Variants in KLHL3 observed in about 807,000 individuals in gnomAD.
KLHL3 encodes kelch-like protein 3.
Under a neutral mutation model 70.5 loss-of-function variants are expected in KLHL3, and 19 were observed. That is an observed-to-expected ratio of 0.27 (90% CI 0.19 to 0.40). The LOEUF (loss-of-function observed/expected upper bound fraction) is 0.40. Among genes scored for constraint, KLHL3 ranks in the 10% least tolerant of loss-of-function variants. The pLI, the probability that KLHL3 is intolerant of heterozygous loss-of-function variation, is 1.00. For synonymous variants in KLHL3, 258 were observed against 290.3 expected (o/e 0.89, Z 1.13); for missense variants, 512 against 771.1 (o/e 0.66, Z 3.98).
rs1756283679 is a variant in KLHL3 at position 137,618,368 on chromosome 5, T to C, written c.*3730A>G. 1 of 151,994 alleles carries C rather than the reference T, an allele frequency of 6.6e-6. No homozygotes were observed. The highest frequency in any genetic ancestry group is 1.5e-5 in the Non-Finnish European group (1 of 68,014). The allele number at this position is 151,994 out of a possible 1,614,324, so 9.4% of individuals were successfully genotyped here. On this transcript the variant is annotated 3_prime_UTR_variant, in exon 15 of 15. Coordinates refer to ENST00000309755, the MANE Select transcript of KLHL3 (RefSeq NM_017415.3). ...TAATAATAAATTTTAAAAACCATGA[T>C]GCAAATGGCAGATAAATACACAAAA...
chr5:137,627,227 T>C (rs1377667389), intron 13 of KLHL3, among the ~76,000 whole-genome samples: 12 of 152,196 alleles, frequency 7.9e-5, no homozygotes, highest in African/African-American at 2.2e-4. Flanking sequence ...TCATGAGAGA[T>C]TGTAAAGTGA....
At chr5:137,677,795 C>T in intron 5 of KLHL3, 141 bp from the exon 6 acceptor site, 1 of 501,734 alleles carries the variant, frequency 2.0e-6, no homozygotes, top group Non-Finnish European at 3.5e-6. Flanking sequence ...GAAACAAAGA[C>T]AGAGACATCA....
intron 5 of KLHL3, among the ~76,000 whole-genome samples, chr5:137,691,492 G>T (rs531746686): frequency 1.3e-5 from 2 of 152,286 alleles, no homozygotes; most frequent in South Asian, 4.1e-4. Flanking sequence ...CTTTTAGCTG[G>T]ATCAGAACCT....
chr5:137,672,980 G>A (rs1751798340), intron 6 of KLHL3: 1 of 152,260 alleles, frequency 6.6e-6, no homozygotes, highest in Admixed American at 6.5e-5. Flanking sequence ...CCTCAGGGTA[G>A]TGGAGTGTAT....
chr5:137,639,795 G>T lies in KLHL3; in HGVS notation c.1021+65C>A. The T allele has an allele frequency of 8.2e-7, 1 of 1,222,988 alleles. No homozygotes were observed. Among genetic ancestry groups the T allele is most frequent in the Non-Finnish European group, 1.2e-6 (1 of 826,022 alleles). 75.8% of individuals were successfully genotyped at this position (1,222,988 alleles called of 1,614,324 possible). A position where few individuals can be genotyped will look rare whatever the true frequency, so the allele number is the denominator to read the frequency against. ...CTTGAGGAAACAAGGAGTAGCTCAC[G>T]ACTTCTGGCACGGAGTGGGGACCAG... On this transcript the variant is annotated intron_variant, in intron 9 of 14. Transcript: ENST00000309755. The surrounding 1 kb of genome is among the most constrained non-coding windows in gnomAD (Gnocchi z 5.0).
chr5:137,682,241 G>C (rs1452507406), intron 5 of KLHL3, among the ~76,000 whole-genome samples: 2 of 152,098 alleles, frequency 1.3e-5, no homozygotes, highest in East Asian at 3.9e-4. Flanking sequence ...TAGTAAACCT[G>C]GTAGAGCCAG....
intron 6 of KLHL3, among the ~76,000 whole-genome samples, chr5:137,662,821 C>T (rs938008934): frequency 2.0e-5 from 3 of 152,044 alleles, no homozygotes; most frequent in South Asian, 2.1e-4. Flanking sequence ...TTGGCAATAT[C>T]GATCAAAATT....
intron 8 of KLHL3, among the ~76,000 whole-genome samples, chr5:137,650,009 A>T (rs1751160886): frequency 6.6e-6 from 1 of 152,234 alleles, no homozygotes; most frequent in African/African-American, 2.4e-5. Flanking sequence ...AAGACAAAAT[A>T]AGATAATGGG....
intron 13 of KLHL3, chr5:137,628,020 C>T: frequency 2.5e-6 from 1 of 403,206 alleles, no homozygotes; most frequent in Non-Finnish European, 4.5e-6. Flanking sequence ...GAGGACTTTC[C>T]CAGGTCTGTG....
chr5:137,680,221 G>A (rs534334278), intron 5 of KLHL3, among the ~76,000 whole-genome samples: 1 of 152,070 alleles, frequency 6.6e-6, no homozygotes, highest in African/African-American at 2.4e-5. Flanking sequence ...ATTATTTGGG[G>A]TTTTTTGTTT....
Position 137,628,287 on chromosome 5 carries a change from C to T in KLHL3, c.1591+10G>A, listed in dbSNP as rs746721346. ...ACCCCCAAAGGGGAGATGGAGAGAG[C>T]AGTCATTACCTGCGTTGCGCCGGCA... On this transcript the variant is annotated intron_variant, in intron 13 of 14. Transcript: ENST00000309755. 1.1e-5 allele frequency: 18 copies of T among 1,613,864 alleles called. No individual in the cohort carries two copies. The East Asian group carries it at 3.3e-4, about 30-fold the overall frequency.
chr5:137,692,262 G>A (rs1214332424), intron 5 of KLHL3, 23 bp downstream of exon 5: 3 of 1,601,522 alleles, frequency 1.9e-6, no homozygotes, highest in Non-Finnish European at 2.6e-6. Flanking sequence ...CGGAGGAGGT[G>A]CAGCAGTCCG....
intron 12 of KLHL3, among the ~76,000 whole-genome samples, chr5:137,631,353 T>C (rs982546797): frequency 1.3e-5 from 2 of 152,236 alleles, no homozygotes; most frequent in Non-Finnish European, 2.9e-5. Context: ...ATAGAGCTTC[T>C]GGTTTTCTGA....
intron 7 of KLHL3, among the ~76,000 whole-genome samples, chr5:137,659,548 G>C (rs1751422938): frequency 6.6e-6 from 1 of 152,172 alleles, no homozygotes; most frequent in South Asian, 2.1e-4. Context: ...GAGCCAGCTT[G>C]AGACAAATCA....
At chr5:137,686,952 GC>G (rs1561606193) in intron 5 of KLHL3, among the ~76,000 whole-genome samples, 8 of 9,278 alleles carry the variant, frequency 8.6e-4, no homozygotes, top group Non-Finnish European at 1.1e-3. Context: ...CCGGCCAGCC[GC>G]CCCGTCCGGG....
At chr5:137,687,082 C>T (rs1453330829) in intron 5 of KLHL3, among the ~76,000 whole-genome samples, 8 of 75,182 alleles carry the variant, frequency 1.1e-4, no homozygotes, top group Non-Finnish European at 1.8e-4. Flanking sequence ...GGGGGGTCAG[C>T]CCCCCGCCCG....
chr5:137,621,975 G>A lies in KLHL3; in HGVS notation c.*123C>T. The A allele has an allele frequency of 1.0e-6, 1 of 987,242 alleles. No homozygotes were observed. Among genetic ancestry groups the A allele is most frequent in the Non-Finnish European group, 1.6e-6 (1 of 613,928 alleles). The allele number at this position is 987,242 out of a possible 1,614,324, so 61.2% of individuals were successfully genotyped here. A position where few individuals can be genotyped will look rare whatever the true frequency, so the allele number is the denominator to read the frequency against. On this transcript the variant is annotated 3_prime_UTR_variant, in exon 15 of 15. Transcript: ENST00000309755. ...AACACCAGTCTGCCAAGTCAGAGGAGAGCGGTTCTCACAGCAGCACAGACC... is the reference window on the plus strand; with the variant it reads ...AACACCAGTCTGCCAAGTCAGAGGAAAGCGGTTCTCACAGCAGCACAGACC...
intron 1 of KLHL3, among the ~76,000 whole-genome samples, chr5:137,725,467 C>A (rs1753071510): frequency 6.6e-6 from 1 of 152,178 alleles, no homozygotes; most frequent in Non-Finnish European, 1.5e-5. Flanking sequence ...TCCCACCAGA[C>A]CTGCAGCTCA....
intron 5 of KLHL3, among the ~76,000 whole-genome samples, chr5:137,684,394 T>G (rs548337795): frequency 3.1e-4 from 47 of 152,296 alleles, no homozygotes; most frequent in African/African-American, 1.1e-3. Flanking sequence ...GATTTATGTT[T>G]TTTAATGATT....
Sources: gnomAD v4.1 joint callset for allele counts (sites outside exome capture counted in the v4.1 genomes callset) on GRCh38, gnomAD v4.1.1 for gene constraint, Gnocchi (gnomAD v3.1) non-coding constraint, MANE v1.5 for transcripts, NCBI Gene and HGNC (gene_info 2026-07-23, HGNC 2026-07-21) for gene names.